Variants in KIF26B observed in about 807,000 individuals in gnomAD.
The protein encoded by KIF26B is kinesin-like protein KIF26B.
Under a neutral mutation model 151.2 loss-of-function variants are expected in KIF26B, and 63 were observed. The ratio of observed to expected loss-of-function variants is 0.42; its 90% CI spans 0.34 to 0.51. The LOEUF (loss-of-function observed/expected upper bound fraction) is 0.51. Ranked by LOEUF, KIF26B falls within the 20% of genes least tolerant of loss-of-function variation. The pLI is 0.07. For missense variants in KIF26B, 2,813 were observed against 2,913.6 expected, an observed-to-expected ratio of 0.97 and a Z score of 0.79; for synonymous variants, 1,357 against 1,262.1, an observed-to-expected ratio of 1.08 and a Z score of -1.59.
intron 4 of KIF26B, among the ~76,000 whole-genome samples, chr1:245,474,268 C>T (rs1659982125): frequency 6.6e-6 from 1 of 150,890 alleles, no homozygotes; most frequent in Non-Finnish European, 1.5e-5. Flanking sequence ...GCCACCACAT[C>T]TGGCTAATTT....
intron 2 of KIF26B, among the ~76,000 whole-genome samples, chr1:245,272,561 C>A (rs981072969): frequency 6.6e-6 from 1 of 151,620 alleles, no homozygotes; most frequent in Non-Finnish European, 1.5e-5. Context: ...CATCTGCTAA[C>A]TTTGGCTTAG....
At chr1:245,501,177 A>C (rs1347997367) in intron 4 of KIF26B, among the ~76,000 whole-genome samples, 6 of 152,222 alleles carry the variant, frequency 3.9e-5, no homozygotes, top group Non-Finnish European at 8.8e-5. Flanking sequence ...AAAGTTTGAG[A>C]GAGGACACTG....
intron 3 of KIF26B, among the ~76,000 whole-genome samples, chr1:245,407,563 G>A (rs1674167257): frequency 6.6e-6 from 1 of 151,538 alleles, no homozygotes; most frequent in Non-Finnish European, 1.5e-5. Context: ...ATTGAATTAT[G>A]TATAAGCCGA....
intron 2 of KIF26B, among the ~76,000 whole-genome samples, chr1:245,331,823 T>C (rs888709439): frequency 3.9e-5 from 6 of 152,224 alleles, no homozygotes; most frequent in African/African-American, 1.2e-4. Context: ...AGATTTACTT[T>C]GGTCTGAAGT....
chr1:245,563,825 C>T lies in KIF26B; in HGVS notation c.1350+22875C>T, dbSNP rs1199957481. ...AGGACCCCAGACCCTCTGAAGGAAG[C>T]GGGCTCCTGCAGGACCCGGGAGACA... On this transcript the variant is annotated intron_variant, in intron 5 of 14. Transcript: ENST00000407071. This position sits in a 1 kb window ranked among gnomAD's most constrained non-coding sequence, Gnocchi z 4.6. Among the ~76,000 whole-genome samples the T allele has an allele frequency of 6.6e-6, 1 of 152,126 alleles. No individual in the cohort carries two copies. The highest frequency in any genetic ancestry group is 1.5e-5 in the Non-Finnish European group (1 of 68,032).
chr1:245,396,421 C>T (rs1408138103), intron 3 of KIF26B, among the ~76,000 whole-genome samples: 2 of 152,168 alleles, frequency 1.3e-5, no homozygotes, highest in African/African-American at 2.4e-5. Context: ...GTGTCTTAAT[C>T]ATATGGCTTC....
At chr1:245,539,791 T>C (rs1054078065) in intron 4 of KIF26B, among the ~76,000 whole-genome samples, 2 of 152,146 alleles carry the variant, frequency 1.3e-5, no homozygotes, top group Non-Finnish European at 2.9e-5. Context: ...TAGCTGGGAT[T>C]ACAGGCATGC....
chr1:245,690,133 C>T (rs2044605388), intron 12 of KIF26B, among the ~76,000 whole-genome samples: 1 of 152,144 alleles, frequency 6.6e-6, no homozygotes, highest in South Asian at 2.1e-4. Context: ...ATCATCTCTG[C>T]TCATAAGTGG....
intron 5 of KIF26B, among the ~76,000 whole-genome samples, chr1:245,578,296 T>G (rs1440672864): frequency 6.6e-6 from 1 of 152,236 alleles, no homozygotes; most frequent in Non-Finnish European, 1.5e-5. Context: ...AAAGACTCCA[T>G]GAGCCTCATA....
chr1:245,283,469 T>C (rs1671102630), intron 2 of KIF26B, among the ~76,000 whole-genome samples: 1 of 152,196 alleles, frequency 6.6e-6, no homozygotes, highest in Non-Finnish European at 1.5e-5. Flanking sequence ...GAAGGTCACC[T>C]GAAGGTCACC....
rs1338256490 is a variant in KIF26B at position 245,698,236 on chromosome 1, A to G, written c.5955A>G (p.Glu1985=). The G allele has an allele frequency of 6.2e-7, 1 of 1,613,696 alleles. No individual in the cohort carries two copies. Among genetic ancestry groups the G allele is most frequent in the Non-Finnish European group, 8.5e-7 (1 of 1,179,768 alleles). Residue 1985 remains glutamate, a synonymous_variant, in exon 13 of 15, where the codon GAA becomes GAG. Coordinates refer to ENST00000407071, the MANE Select transcript of KIF26B (RefSeq NM_018012.4). This position sits in a 1 kb window ranked among gnomAD's most constrained non-coding sequence, Gnocchi z 4.0. ...GGAGCAGCCCGAGGGGCCTTGGGGA[A>G]CCCTTTGAGATTAAAGTCTATGAAA... The part of the protein sequence containing the change: ...PLRSSPRGLG[E]PFEIKVYEID...
intron 2 of KIF26B, among the ~76,000 whole-genome samples, chr1:245,216,761 C>T (rs748587628): frequency 2.6e-5 from 4 of 152,174 alleles, no homozygotes; most frequent in African/African-American, 9.7e-5. Context: ...TTGGTTCTTT[C>T]GCAAATTGGT....
intron 4 of KIF26B, among the ~76,000 whole-genome samples, chr1:245,471,800 T>C (rs1435712879): frequency 1.3e-5 from 2 of 152,040 alleles, no homozygotes; most frequent in African/African-American, 4.8e-5. Flanking sequence ...CTTACTTTTT[T>C]TTTTTTTTGA....
At chr1:245,274,471 G>A (rs11577157) in intron 2 of KIF26B, among the ~76,000 whole-genome samples, 23,846 of 151,698 alleles carry the variant, frequency 0.16, 2,106 homozygotes, top group African/African-American at 0.23. Context: ...GAGAACATGC[G>A]GTGTTTGGTT....
At chr1:245,569,200 T>G (rs966650157) in intron 5 of KIF26B, among the ~76,000 whole-genome samples, 2 of 152,144 alleles carry the variant, frequency 1.3e-5, no homozygotes, top group Admixed American at 6.5e-5. Flanking sequence ...TTGTTCTCCT[T>G]CTTTCTCTTT....
At chr1:245,423,110 A>G (rs1658532882) in intron 4 of KIF26B, among the ~76,000 whole-genome samples, 1 of 148,154 alleles carries the variant, frequency 6.7e-6, no homozygotes, top group South Asian at 2.1e-4. Context: ...AAAAAAAAAA[A>G]AAAAAGGAAA....
chr1:245,374,129 ATATATATATG>A lies in KIF26B; in HGVS notation c.999+6763_999+6772del, dbSNP rs1215293657. The stretch of plus-strand genomic sequence containing the variant: ...TATATATATATATATATATATATAT[ATATATATATG>A]GGCACAAAAGGATGTAAAAGCAACA... On this transcript the variant is annotated intron_variant, in intron 3 of 14. Transcript: ENST00000407071. Among the ~76,000 whole-genome samples, 50 of 100,368 alleles carry A rather than the reference ATATATATATG, an allele frequency of 5.0e-4. 1 individual carries two copies. Among genetic ancestry groups the A allele is most frequent in the Non-Finnish European group, 5.9e-4 (29 of 48,834 alleles). 65.8% of individuals were successfully genotyped at this position (100,368 alleles called of 152,430 possible).
intron 2 of KIF26B, among the ~76,000 whole-genome samples, chr1:245,253,800 C>CT (rs5782330): frequency 0.033 from 2,356 of 72,238 alleles, 477 homozygotes; most frequent in Non-Finnish European, 0.04. Context: ...TGAAGTCCTG[C>CT]TTTTTTTTTT....
At chr1:245,279,677 T>C (rs1370790572) in intron 2 of KIF26B, among the ~76,000 whole-genome samples, 3 of 152,028 alleles carry the variant, frequency 2.0e-5, no homozygotes, top group South Asian at 2.1e-4. Context: ...TTTATCTGTA[T>C]GAAGCAGCGG....
Sources: gnomAD v4.1 joint callset for allele counts (sites outside exome capture counted in the v4.1 genomes callset) on GRCh38, gnomAD v4.1.1 for gene constraint, Gnocchi (gnomAD v3.1) non-coding constraint, MANE v1.5 for transcripts, NCBI Gene and HGNC (gene_info 2026-07-23, HGNC 2026-07-21) for gene names.